KCNQ1: variants seen among roughly 807,000 people sequenced by gnomAD.
KCNQ1 encodes potassium voltage-gated channel subfamily Q member 1.
KCNQ1 carries 49 observed loss-of-function variants against 72.4 expected under a neutral mutation model. The observed-to-expected ratio is 0.68, with a 90% CI of 0.54 to 0.86. The LOEUF (loss-of-function observed/expected upper bound fraction) is 0.86. KCNQ1 is among the 40% of genes least tolerant of loss of function. The pLI is 0.00. For missense variants in KCNQ1, 790 were observed against 945.1 expected (o/e 0.84, Z 2.15); for synonymous variants, 450 against 412.6 (o/e 1.09, Z -1.10).
chr11:2,675,429 C>A (rs1192951270), intron 11 of KCNQ1: 1 of 398,360 alleles, frequency 2.5e-6, no homozygotes, highest in Non-Finnish European at 4.4e-6. Context: ...TGTCATTTTG[C>A]GTTAAAATAA....
At chr11:2,792,458 G>A (rs1322774931) in intron 15 of KCNQ1, among the ~76,000 whole-genome samples, 1 of 152,168 alleles carries the variant, frequency 6.6e-6, no homozygotes, top group East Asian at 1.9e-4. Flanking sequence ...GTGGATAGGA[G>A]GGACGGGGCC....
chr11:2,574,476 G>A (rs929294277), intron 6 of KCNQ1, among the ~76,000 whole-genome samples: 8 of 152,188 alleles, frequency 5.3e-5, no homozygotes, highest in African/African-American at 7.2e-5. Context: ...AGGTGGGGGC[G>A]GGCAGGGCAG....
intron 15 of KCNQ1, among the ~76,000 whole-genome samples, chr11:2,835,434 C>T (rs1359536150): frequency 6.6e-6 from 1 of 151,776 alleles, no homozygotes; most frequent in African/African-American, 2.4e-5. Flanking sequence ...CACACGCACA[C>T]ATGCAGGCCA....
chr11:2,734,142 C>T lies in KCNQ1; in HGVS notation c.1515-34702C>T, dbSNP rs1220924375. On this transcript the variant is annotated intron_variant, in intron 11 of 15. Coordinates refer to ENST00000155840, the MANE Select transcript of KCNQ1 (RefSeq NM_000218.3). This position sits in a 1 kb window ranked among gnomAD's most constrained non-coding sequence, Gnocchi z 7.0. ...CTGGCAGGGGTGGTCCTGCTCCGGC[C>T]CCAGGGCCCGCAGGTGTGTGTGAGA... Among the ~76,000 whole-genome samples the T allele has an allele frequency of 1.3e-5, 2 of 152,142 alleles. No homozygotes were observed. Among genetic ancestry groups the T allele is most frequent in the Non-Finnish European group, 2.9e-5 (2 of 68,014 alleles).
intron 11 of KCNQ1, chr11:2,680,384 G>GC: frequency 2.5e-6 from 1 of 398,084 alleles, no homozygotes; most frequent in East Asian, 3.6e-5. Flanking sequence ...CAAATCCATT[G>GC]CAACATCCTT....
intron 11 of KCNQ1, among the ~76,000 whole-genome samples, chr11:2,758,591 A>G (rs1371356193): frequency 6.6e-6 from 1 of 152,248 alleles, no homozygotes; most frequent in African/African-American, 2.4e-5. Flanking sequence ...TCATATTCAT[A>G]CACAAAACTA....
intron 6 of KCNQ1, among the ~76,000 whole-genome samples, chr11:2,573,949 G>T (rs1190468489): frequency 6.6e-6 from 1 of 152,260 alleles, no homozygotes; most frequent in African/African-American, 2.4e-5. Flanking sequence ...ATGGCTCAGA[G>T]GACGCTGGCT....
At chr11:2,728,140 G>T (rs1194605927) in intron 11 of KCNQ1, among the ~76,000 whole-genome samples, 1 of 152,014 alleles carries the variant, frequency 6.6e-6, no homozygotes, top group East Asian at 1.9e-4. Flanking sequence ...TCCCTTCCAG[G>T]ACTTCCGATG....
At chr11:2,501,716 A>C (rs1202905051) in intron 1 of KCNQ1, among the ~76,000 whole-genome samples, 9 of 77,340 alleles carry the variant, frequency 1.2e-4, no homozygotes, top group Non-Finnish European at 1.3e-4. Flanking sequence ...ACAAAGATAC[A>C]TCAAAAAAAA....
chr11:2,685,548 A>C (rs575450617), intron 11 of KCNQ1: 2 of 398,744 alleles, frequency 5.0e-6, no homozygotes, highest in East Asian at 7.1e-5. Flanking sequence ...GAGGATCTGC[A>C]GATGACTACA....
chr11:2,740,255 A>G (rs1308611538), intron 11 of KCNQ1, among the ~76,000 whole-genome samples: 1 of 152,176 alleles, frequency 6.6e-6, no homozygotes, highest in Non-Finnish European at 1.5e-5. Flanking sequence ...CTGCCCATCG[A>G]CGCTGCTGGG....
chr11:2,670,727 G>C lies in KCNQ1; in HGVS notation c.1514+8646G>C, dbSNP rs546573682. On this transcript the variant is annotated intron_variant, in intron 11 of 15. Coordinates refer to ENST00000155840, the MANE Select transcript of KCNQ1 (RefSeq NM_000218.3). The surrounding 1 kb of genome is among the most constrained non-coding windows in gnomAD (Gnocchi z 4.9). ...GTGGCCCATGGAGCAGGAGGGAACA[G>C]TCTGCAGATATTATCTGGGCACTGG... 9 of 398,660 alleles carry C rather than the reference G, an allele frequency of 2.3e-5. No individual in the cohort carries two copies. 24.7% of individuals were successfully genotyped at this position (398,660 alleles called of 1,614,324 possible).
chr11:2,655,682 CCCA>C, intron 10 of KCNQ1: 1 of 136,098 alleles, frequency 7.3e-6, no homozygotes, highest in Non-Finnish European at 1.6e-5. Flanking sequence ...TCCCCACCCA[CCCA>C]CCCCCAGCTC....
Position 2,620,482 on chromosome 11 carries a change from C to T in KCNQ1, c.1393+31628C>T, listed in dbSNP as rs1179310130. On this transcript the variant is annotated intron_variant, in intron 10 of 15. Transcript: ENST00000155840. This position sits in a 1 kb window ranked among gnomAD's most constrained non-coding sequence, Gnocchi z 4.5. The stretch of plus-strand genomic sequence containing the variant: ...CCACCCGCCTTGGCCTCCCAAAGTG[C>T]TGGGATTACAGGTGAGAGCTACCGC... The T allele has an allele frequency of 5.8e-6, 2 of 347,580 alleles. No individual in the cohort carries two copies. The highest frequency in any genetic ancestry group is 1.0e-5 in the Non-Finnish European group (2 of 195,258). 21.5% of individuals were successfully genotyped at this position (347,580 alleles called of 1,614,324 possible).
intron 10 of KCNQ1, among the ~76,000 whole-genome samples, chr11:2,596,765 T>A (rs922536344): frequency 2.6e-5 from 4 of 152,066 alleles, no homozygotes; most frequent in African/African-American, 9.7e-5. Context: ...GATATGTTCA[T>A]TATCATAATC....
chr11:2,838,216 G>A (rs1045982624), intron 15 of KCNQ1, among the ~76,000 whole-genome samples: 3 of 152,258 alleles, frequency 2.0e-5, no homozygotes, highest in African/African-American at 2.4e-5. Context: ...CTGACCTCAC[G>A]TGGCTCACAG....
intron 4 of KCNQ1, 45 bp from the exon 5 acceptor site, chr11:2,571,968 T>C (rs1476641601): frequency 6.5e-7 from 1 of 1,548,584 alleles, no homozygotes; most frequent in Admixed American, 1.7e-5. Flanking sequence ...CGTGAACAGC[T>C]GAGCCCAGCC....
intron 11 of KCNQ1, among the ~76,000 whole-genome samples, chr11:2,722,498 C>A (rs1845686175): frequency 6.6e-6 from 1 of 152,038 alleles, no homozygotes; most frequent in South Asian, 2.1e-4. Flanking sequence ...CTTGGTCACC[C>A]CCAGGAGGAG....
At chr11:2,551,540 A>G (rs1847983781) in intron 2 of KCNQ1, among the ~76,000 whole-genome samples, 1 of 152,230 alleles carries the variant, frequency 6.6e-6, no homozygotes, top group South Asian at 2.1e-4. Flanking sequence ...TTCAGCTGTT[A>G]TGATTAAAGC....
Sources: allele counts gnomAD v4.1 joint callset (sites outside exome capture counted in the v4.1 genomes callset), GRCh38; gene constraint gnomAD v4.1.1; non-coding constraint Gnocchi (gnomAD v3.1); transcripts MANE v1.5; gene names NCBI Gene and HGNC (gene_info 2026-07-23, HGNC 2026-07-21).